The following SDHAF4 variants were observed in gnomAD, a reference collection of about 807,000 sequenced individuals.
SDHAF4 encodes the protein succinate dehydrogenase assembly factor 4, mitochondrial.
SDHAF4 carries 14 observed loss-of-function variants against 14.3 expected under a neutral mutation model. That is an observed-to-expected ratio of 0.98 (90% CI 0.65 to 1.53). The LOEUF (loss-of-function observed/expected upper bound fraction) is 1.53, where lower values mean the gene tolerates loss of function less well. SDHAF4 is among the 40% of genes most tolerant of loss of function. The pLI is 0.00. For missense variants in SDHAF4, 141 were observed against 129.3 expected (o/e 1.09, Z -0.44); for synonymous variants, 63 against 47.3 (o/e 1.33, Z -1.36).
chr6:70,596,162 G>C, the SDHAF4 span, among the ~76,000 whole-genome samples: 2 of 152,124 alleles, frequency 1.3e-5, no homozygotes, highest in African/African-American at 4.8e-5. Flanking sequence ...AAGATGATGC[G>C]GTAGCCATGG....
chr6:70,592,134 C>T (rs768613526), downstream of SDHAF4, among the ~76,000 whole-genome samples: 1 of 152,212 alleles, frequency 6.6e-6, no homozygotes, highest in African/African-American at 2.4e-5. Flanking sequence ...GCCTCCAAAA[C>T]CATAAGAAAT....
chr6:70,593,018 A>G (rs575966405), downstream of SDHAF4, among the ~76,000 whole-genome samples: 1 of 152,352 alleles, frequency 6.6e-6, no homozygotes, highest in Admixed American at 6.5e-5. Context: ...GGCACTCTCT[A>G]AGGGCTTGCT....
the SDHAF4 span, among the ~76,000 whole-genome samples, chr6:70,597,299 A>ATTTTTTTTTTTTT: frequency 1.6e-3 from 173 of 108,050 alleles, no homozygotes; most frequent in African/African-American, 4.7e-3. Context: ...CGCCTGGCTA[A>ATTTTTTTTTTTTT]TTTTTTTTTT....
At chr6:70,577,484 G>A (rs978467807) in intron 1 of SDHAF4, among the ~76,000 whole-genome samples, 1 of 152,122 alleles carries the variant, frequency 6.6e-6, no homozygotes, top group Non-Finnish European at 1.5e-5. Context: ...TTATAGCATA[G>A]AAAGTTCAAC....
At position 70,588,810 on chromosome 6, in the gene SDHAF4, C is replaced by A; in HGVS notation, c.*86C>A. ...TCTGATTATTTTCTTTCTTTATATC[C>A]TTTATGTCGTGTAGTTTGTATAATG... On this transcript the variant is annotated 3_prime_UTR_variant, in exon 3 of 3. Coordinates refer to ENST00000370474, the MANE Select transcript of SDHAF4 (RefSeq NM_145267.3). The A allele has an allele frequency of 1.6e-6, 1 of 632,470 alleles. No homozygotes were observed. The highest frequency in any genetic ancestry group is 2.7e-6 in the Non-Finnish European group (1 of 372,468). The allele number at this position is 632,470 out of a possible 1,614,324, so 39.2% of individuals were successfully genotyped here.
At chr6:70,596,156 T>C in the SDHAF4 span, among the ~76,000 whole-genome samples, 22 of 152,208 alleles carry the variant, frequency 1.4e-4, no homozygotes, top group Admixed American at 1.4e-3. Context: ...CTACAAAAGA[T>C]GATGCGGTAG....
intron 2 of SDHAF4, among the ~76,000 whole-genome samples, chr6:70,581,497 C>T (rs1217023595): frequency 6.6e-6 from 1 of 152,164 alleles, no homozygotes; most frequent in East Asian, 1.9e-4. Flanking sequence ...TTTGAACAAT[C>T]CACAACCTTT....
intron 2 of SDHAF4, among the ~76,000 whole-genome samples, chr6:70,585,671 A>G (rs1375315091): frequency 6.6e-6 from 1 of 152,238 alleles, no homozygotes; most frequent in Non-Finnish European, 1.5e-5. Context: ...GAATTCGTGG[A>G]GTAGGAAAAA....
chr6:70,587,477 G>C (rs2128536286), intron 2 of SDHAF4, among the ~76,000 whole-genome samples: 1 of 152,316 alleles, frequency 6.6e-6, no homozygotes, highest in South Asian at 2.1e-4. Flanking sequence ...CAGGGCAACA[G>C]AGCTAGGCTC....
chr6:70,596,270 C>A, the SDHAF4 span, among the ~76,000 whole-genome samples: 1 of 152,156 alleles, frequency 6.6e-6, no homozygotes, highest in Non-Finnish European at 1.5e-5. Context: ...CTGTTCCCAG[C>A]CAATGAGTGA....
intron 2 of SDHAF4, among the ~76,000 whole-genome samples, chr6:70,585,257 A>T (rs1765181880): frequency 6.6e-6 from 1 of 152,216 alleles, no homozygotes; most frequent in South Asian, 2.1e-4. Flanking sequence ...TGTTATTTAC[A>T]TGACTGTCAA....
chr6:70,579,836 CCTT>C (rs1312339437), intron 2 of SDHAF4, among the ~76,000 whole-genome samples: 3 of 151,876 alleles, frequency 2.0e-5, no homozygotes, highest in Admixed American at 6.6e-5. Context: ...TAAGTTGAGA[CCTT>C]CTTTGTTACA....
In SDHAF4 at chr6:70,566,964, G is replaced by A. The variant is rs1249153994; in HGVS notation, c.24G>A (p.Trp8Ter). Reference protein sequence around the residue: MTPSRLPWLLSWVSATAW... With the variant: MTPSRLP ...CCATGACCCCATCGAGGCTTCCCTG[G>A]TTGCTTAGCTGGGTCTCGGCCACGG... Residue 8 changes from tryptophan to a stop codon, truncating the protein, a stop_gained, in exon 1 of 3, where the codon TGG becomes TGA. Coordinates refer to ENST00000370474, the MANE Select transcript of SDHAF4 (RefSeq NM_145267.3). LOFTEE classifies it high-confidence loss of function. 6.3e-7 allele frequency: 1 copy of A among 1,592,610 alleles called. No homozygotes were observed. Among genetic ancestry groups the A allele is most frequent in the Non-Finnish European group, 8.5e-7 (1 of 1,169,868 alleles).
At chr6:70,578,770 G>C (rs529017111) in intron 1 of SDHAF4, among the ~76,000 whole-genome samples, 3 of 152,260 alleles carry the variant, frequency 2.0e-5, no homozygotes, top group Non-Finnish European at 4.4e-5. Context: ...GTGACAAATA[G>C]GGGTCCAGTT....
chr6:70,567,139 G>A (rs897172449), intron 1 of SDHAF4, 135 bp downstream of exon 1: 2 of 839,462 alleles, frequency 2.4e-6, no homozygotes, highest in Non-Finnish European at 1.8e-6. Context: ...AGCTTCTCCC[G>A]CCCAGCCGCC....
At position 70,577,846 on chromosome 6, in the gene SDHAF4, G is replaced by C. The variant is rs553520319; in HGVS notation, c.65-1568G>C. On this transcript the variant is annotated intron_variant, in intron 1 of 2. Transcript: ENST00000370474. ...TATTTGGTTTTCTGTTCCTGCATTA[G>C]TTCACTTAGAATAATGGCCTCCAGC... Among the ~76,000 whole-genome samples the C allele has an allele frequency of 2.0e-5, 3 of 152,260 alleles. No individual in the cohort carries two copies. In the East Asian group the frequency reaches 5.8e-4, roughly 29 times the overall value.
At chr6:70,592,245 C>T (rs1765263670), downstream of SDHAF4, among the ~76,000 whole-genome samples, 1 of 152,062 alleles carries the variant, frequency 6.6e-6, no homozygotes, top group South Asian at 2.1e-4. Flanking sequence ...TATAAAGTTA[C>T]CTGAAAATGT....
chr6:70,582,631 C>T (rs1324870643), intron 2 of SDHAF4, among the ~76,000 whole-genome samples: 1 of 152,162 alleles, frequency 6.6e-6, no homozygotes, highest in Non-Finnish European at 1.5e-5. Flanking sequence ...ACCAAGTCAC[C>T]CAAGCCCGAA....
chr6:70,567,130 G>C (rs917387162), intron 1 of SDHAF4, 126 bp downstream of exon 1: 7 of 932,546 alleles, frequency 7.5e-6, no homozygotes, highest in Admixed American at 2.6e-5. Context: ...GGGCTGCCCA[G>C]CTTCTCCCGC....
Sources: gnomAD v4.1 joint callset for allele counts (sites outside exome capture counted in the v4.1 genomes callset) on GRCh38, gnomAD v4.1.1 for gene constraint, MANE v1.5 for transcripts, NCBI Gene and HGNC (gene_info 2026-07-23, HGNC 2026-07-21) for gene names.